Variants in PIGB observed in about 807,000 individuals in gnomAD.
PIGB encodes GPI alpha-1,2-mannosyltransferase 3.
A neutral mutation model predicts 68.4 loss-of-function variants in PIGB; 58 were observed. The observed-to-expected ratio is 0.85, with a 90% CI of 0.69 to 1.06. The LOEUF is 1.06. PIGB is among the 50% of genes least tolerant of loss of function. The pLI is 0.00. For synonymous variants in PIGB, 219 were observed against 220.5 expected (o/e 0.99, Z 0.06); for missense variants, 634 against 655.8 (o/e 0.97, Z 0.36).
intron 9 of PIGB, among the ~76,000 whole-genome samples, chr15:55,349,042 C>T (rs1011876734): frequency 6.6e-6 from 1 of 151,334 alleles, no homozygotes; most frequent in Non-Finnish European, 1.5e-5. Flanking sequence ...GACACCACGC[C>T]CGGCTAATTT....
At chr15:55,346,492 A>G (rs1254705283) in intron 9 of PIGB, 1 of 152,208 alleles carries the variant, frequency 6.6e-6, no homozygotes, top group East Asian at 1.9e-4. Flanking sequence ...TTTTCTGTAT[A>G]CCGACTTTCA....
intron 1 of PIGB, 123 bp downstream of exon 1, chr15:55,319,536 G>A (rs2055114321): frequency 4.7e-6 from 3 of 643,878 alleles, no homozygotes; most frequent in African/African-American, 1.9e-5. Flanking sequence ...TGAAATGCTG[G>A]GAAATGCTGG....
At chr15:55,337,523 G>A (rs963264252) in intron 6 of PIGB, among the ~76,000 whole-genome samples, 1 of 152,188 alleles carries the variant, frequency 6.6e-6, no homozygotes, top group Non-Finnish European at 1.5e-5. Context: ...AGCATCTAAT[G>A]TCCAGTGATC....
In PIGB at chr15:55,350,706, A is replaced by T; in HGVS notation, c.1131A>T (p.Ser377=). 1 of 1,610,532 alleles carries T rather than the reference A, an allele frequency of 6.2e-7. No individual in the cohort carries two copies. Among genetic ancestry groups the T allele is most frequent in the Non-Finnish European group, 8.5e-7 (1 of 1,176,898 alleles). The part of the protein sequence containing the change: ...LPFCMVFCGY[S]LTHLKTWKKP... ...ATGTCTATCTTCATATAGGATACTC[A>T]TTAACCCACCTGAAAACATGGAAGA... The change falls in exon 10 of 12, where the codon TCA becomes TCT. Residue 377 remains serine (S), a synonymous_variant. Transcript: ENST00000164305.
At chr15:55,345,877 C>T (rs1372224846) in intron 9 of PIGB, among the ~76,000 whole-genome samples, 3 of 152,182 alleles carry the variant, frequency 2.0e-5, no homozygotes, top group African/African-American at 7.2e-5. Context: ...CAGAATTGAA[C>T]CACCTTTTGT....
At chr15:55,321,646 CTTTTTTT>C (rs966940527) in intron 3 of PIGB, among the ~76,000 whole-genome samples, 29 of 68,342 alleles carry the variant, frequency 4.2e-4, no homozygotes, top group Admixed American at 9.8e-4. Context: ...ATACTTCTTT[CTTTTTTT>C]TTTTTTTTTT....
intron 4 of PIGB, among the ~76,000 whole-genome samples, 172 bp from the exon 5 acceptor site, chr15:55,329,552 G>GT (rs1430135316): frequency 2.6e-5 from 4 of 152,150 alleles, no homozygotes; most frequent in African/African-American, 9.7e-5. Context: ...ATAAACCTGT[G>GT]TTTCATGTAA....
rs77286116 is a variant in PIGB at position 55,320,013 on chromosome 15, T to C, written c.164-262T>C. On this transcript the variant is annotated intron_variant, in intron 1 of 11. Coordinates refer to ENST00000164305, the MANE Select transcript of PIGB (RefSeq NM_004855.5). ...GCCTAAGGCCTTAGTTAACCCACTC[T>C]TTTTTTTTTGTATTTATTTTAATAT... 1.1e-4 allele frequency: 23 copies of C among 218,320 alleles called. No individual in the cohort carries two copies. The Admixed American group carries it at 1.2e-3, about 12-fold the overall frequency. 13.5% of individuals were successfully genotyped at this position (218,320 alleles called of 1,614,324 possible).
chr15:55,355,210 G>C, intron 11 of PIGB, 76 bp from the exon 12 acceptor site: 1 of 1,180,834 alleles, frequency 8.5e-7, no homozygotes, highest in East Asian at 2.4e-5. Context: ...AATTAGAATA[G>C]GCAATTCTAA....
chr15:55,345,524 T>A (rs2055772405), intron 9 of PIGB, among the ~76,000 whole-genome samples: 1 of 152,144 alleles, frequency 6.6e-6, no homozygotes, highest in Non-Finnish European at 1.5e-5. Flanking sequence ...TTTGGGAGGC[T>A]GAGGTGGGTG....
intron 1 of PIGB, 45 bp from the exon 2 acceptor site, chr15:55,320,230 G>A: frequency 1.3e-6 from 2 of 1,588,250 alleles, no homozygotes; most frequent in Non-Finnish European, 1.7e-6. Context: ...AAGTGGAACT[G>A]CCTGACTTTT....
At chr15:55,345,322 T>C (rs2141208664) in intron 9 of PIGB, among the ~76,000 whole-genome samples, 1 of 152,384 alleles carries the variant, frequency 6.6e-6, no homozygotes, top group East Asian at 1.9e-4. Flanking sequence ...TTAAGCATTC[T>C]TTCAGCTGGT....
intron 3 of PIGB, 68 bp downstream of exon 3, chr15:55,321,458 G>A (rs1366602180): frequency 3.7e-6 from 5 of 1,349,706 alleles, no homozygotes; most frequent in Admixed American, 4.6e-5. Flanking sequence ...GGCTACTGTT[G>A]CTGAAGTCCA....
At chr15:55,351,170 C>T (rs1481788702) in intron 10 of PIGB, among the ~76,000 whole-genome samples, 2 of 148,266 alleles carry the variant, frequency 1.3e-5, no homozygotes, top group Non-Finnish European at 1.5e-5. Flanking sequence ...TGCAGTGGCG[C>T]GATCTCGGCT....
rs1566959998 is a variant in PIGB at position 55,350,740 on chromosome 15, C to CT, written c.1166dup (p.Ser390LysfsTer24). 4 of 1,613,682 alleles carry CT rather than the reference C, an allele frequency of 2.5e-6. No individual in the cohort carries two copies. Among genetic ancestry groups the CT allele is most frequent in the Non-Finnish European group, 3.4e-6 (4 of 1,179,702 alleles). On this transcript the variant is annotated frameshift_variant, in exon 10 of 12. Transcript: ENST00000164305. LOFTEE classifies it high-confidence loss of function. ...CCTGAAAACATGGAAGAAACCAGCTCTAAGTTTCCTGTTTTTATCAAATTT... is the reference window on the plus strand; with the variant it reads ...CCTGAAAACATGGAAGAAACCAGCTCTTAAGTTTCCTGTTTTTATCAAATTT...
At chr15:55,327,707 T>A in intron 4 of PIGB, 72 bp downstream of exon 4, 2 of 853,474 alleles carry the variant, frequency 2.3e-6, no homozygotes, top group Non-Finnish European at 3.8e-6. Context: ...CATGGAAACA[T>A]TGATTCCCAA....
intron 9 of PIGB, among the ~76,000 whole-genome samples, chr15:55,348,881 A>C (rs188828916): frequency 6.6e-6 from 1 of 152,242 alleles, no homozygotes; most frequent in Non-Finnish European, 1.5e-5. Flanking sequence ...AAGTGCTTCA[A>C]CTTATATTTG....
intron 11 of PIGB, 73 bp downstream of exon 11, chr15:55,355,051 T>TA: frequency 8.1e-7 from 1 of 1,232,788 alleles, no homozygotes; most frequent in South Asian, 1.4e-5. Flanking sequence ...CTCAGGTAAA[T>TA]AGATAATATA....
chr15:55,347,065 T>C (rs2055810564), intron 9 of PIGB, among the ~76,000 whole-genome samples: 1 of 152,242 alleles, frequency 6.6e-6, no homozygotes, highest in African/African-American at 2.4e-5. Context: ...CATTTGATGA[T>C]AACTGAAATT....
Sources: gnomAD v4.1 joint callset for allele counts (sites outside exome capture counted in the v4.1 genomes callset) on GRCh38, gnomAD v4.1.1 for gene constraint, MANE v1.5 for transcripts, NCBI Gene and HGNC (gene_info 2026-07-23, HGNC 2026-07-21) for gene names.